PREX2: variants seen among roughly 807,000 people sequenced by gnomAD.
PREX2 encodes the protein phosphatidylinositol 3,4,5-trisphosphate-dependent Rac exchanger 2 protein.
PREX2 carries 107 observed loss-of-function variants against 203.2 expected under a neutral mutation model. The observed-to-expected ratio is 0.53, with a 90% CI of 0.45 to 0.62. The LOEUF (loss-of-function observed/expected upper bound fraction) is 0.62. Ranked by LOEUF, PREX2 falls within the 20% of genes least tolerant of loss-of-function variation. The pLI, the probability that PREX2 is intolerant of heterozygous loss-of-function variation, is 0.00. For missense variants in PREX2, 1,777 were observed against 1,955.9 expected (o/e 0.91, Z 1.72); for synonymous variants, 672 against 663.6 (o/e 1.01, Z -0.19).
intron 25 of PREX2, among the ~76,000 whole-genome samples, chr8:68,113,966 A>C (rs1407952642): frequency 3.3e-5 from 5 of 152,164 alleles, no homozygotes; most frequent in Admixed American, 1.3e-4. Flanking sequence ...GGTTCAAGCG[A>C]TTCTCCTGCC....
At chr8:68,066,430 C>T (rs1025876030) in intron 11 of PREX2, among the ~76,000 whole-genome samples, 1 of 152,046 alleles carries the variant, frequency 6.6e-6, no homozygotes, top group Non-Finnish European at 1.5e-5. Context: ...GAGATTATAT[C>T]TGATTATAGT....
chr8:68,226,308 G>A (rs1280841341), intron 39 of PREX2, among the ~76,000 whole-genome samples: 1 of 152,094 alleles, frequency 6.6e-6, no homozygotes, highest in Non-Finnish European at 1.5e-5. Context: ...AAAAAGATGA[G>A]GTGAAGAAGG....
At chr8:68,088,376 T>C (rs766846837) in intron 19 of PREX2, among the ~76,000 whole-genome samples, 9 of 152,318 alleles carry the variant, frequency 5.9e-5, no homozygotes, top group Middle Eastern at 3.4e-3. Flanking sequence ...TAGCAACAAT[T>C]GAAGGAAATA....
chr8:68,049,825 AG>A (rs1370329864), intron 8 of PREX2, among the ~76,000 whole-genome samples: 6 of 152,058 alleles, frequency 3.9e-5, no homozygotes, highest in African/African-American at 1.4e-4. Flanking sequence ...GGCTTTAGTG[AG>A]GGTGTTCTTT....
intron 10 of PREX2, 38 bp downstream of exon 10, chr8:68,056,012 A>G (rs1187908703): frequency 4.5e-6 from 7 of 1,567,992 alleles, no homozygotes; most frequent in East Asian, 2.2e-5. Flanking sequence ...TTTCTTTTAC[A>G]TTCTCATTGT....
chr8:68,234,718 C>T lies in PREX2; in HGVS notation c.*3340C>T, dbSNP rs907846270. 1 of 152,038 alleles carries T rather than the reference C, an allele frequency of 6.6e-6. No individual in the cohort carries two copies. Among genetic ancestry groups the T allele is most frequent in the Non-Finnish European group, 1.5e-5 (1 of 68,022 alleles). The allele number at this position is 152,038 out of a possible 1,614,324, so 9.4% of individuals were successfully genotyped here. On this transcript the variant is annotated 3_prime_UTR_variant, in exon 40 of 40. Coordinates refer to ENST00000288368, the MANE Select transcript of PREX2 (RefSeq NM_024870.4). The stretch of plus-strand genomic sequence containing the variant: ...TCTGAAGTCTCATACTGTTTTCTGT[C>T]TCTTTAAAACACATTCTTCTGGTGG...
intron 11 of PREX2, 51 bp downstream of exon 11, chr8:68,060,830 T>C (rs372641907): frequency 5.2e-5 from 61 of 1,172,670 alleles, no homozygotes; most frequent in Non-Finnish European, 7.2e-5. Flanking sequence ...TGGCCATATG[T>C]ATCTTAATCC....
chr8:68,087,103 G>T (rs1229350741), intron 18 of PREX2, among the ~76,000 whole-genome samples: 9 of 152,040 alleles, frequency 5.9e-5, no homozygotes, highest in Admixed American at 1.3e-4. Flanking sequence ...ACTTACCAAG[G>T]TTATTTCTTT....
rs767428663 is a variant in PREX2, at chr8:68,044,447, GT to G, written c.840-37del. 9 of 1,382,460 alleles carry G rather than the reference GT, an allele frequency of 6.5e-6. No homozygotes were observed. The African/African-American group carries it at 8.5e-5, about 13-fold the overall frequency. The allele number at this position is 1,382,460 out of a possible 1,614,324, so 85.6% of individuals were successfully genotyped here. ...TATTGTTTTGACATTGTTTTACATT[GT>G]TTAGTAACAAAGTCTTTGTGATTTA... On this transcript the variant is annotated intron_variant, in intron 7 of 39. Transcript: ENST00000288368.
intron 23 of PREX2, chr8:68,106,464 TTAA>T (rs1377576197): frequency 4.9e-6 from 2 of 411,188 alleles, no homozygotes; most frequent in African/African-American, 4.2e-5. Context: ...CATCATTTTG[TTAA>T]TAATTTCCTG....
intron 26 of PREX2, 145 bp from the exon 27 acceptor site, chr8:68,118,405 G>A: frequency 1.8e-6 from 1 of 559,252 alleles, no homozygotes; most frequent in South Asian, 2.2e-5. Context: ...AAGTAAGATA[G>A]ACTGAGTTGA....
intron 6 of PREX2, 84 bp downstream of exon 6, chr8:68,030,742 C>T: frequency 7.8e-7 from 1 of 1,278,030 alleles, no homozygotes; most frequent in Non-Finnish European, 1.1e-6. Context: ...TGGATGGAAC[C>T]ATAAATGGTC....
chr8:68,075,101 T>A (rs1728551799), intron 14 of PREX2, among the ~76,000 whole-genome samples: 1 of 152,208 alleles, frequency 6.6e-6, no homozygotes, highest in Admixed American at 6.5e-5. Flanking sequence ...CATAATTAAA[T>A]AATGCCTTGC....
chr8:67,959,885 C>T (rs1805587510), intron 1 of PREX2, among the ~76,000 whole-genome samples: 1 of 152,118 alleles, frequency 6.6e-6, no homozygotes, highest in Non-Finnish European at 1.5e-5. Flanking sequence ...CAAACTCTCT[C>T]TTTGGGCAAA....
At chr8:67,996,792 T>C (rs1219164194) in intron 1 of PREX2, among the ~76,000 whole-genome samples, 2 of 152,210 alleles carry the variant, frequency 1.3e-5, no homozygotes, top group Admixed American at 6.5e-5. Context: ...TGTCTATTGA[T>C]AAAACTAGGA....
chr8:68,071,333 A>G (rs1192879527), intron 13 of PREX2, among the ~76,000 whole-genome samples: 1 of 152,160 alleles, frequency 6.6e-6, no homozygotes, highest in East Asian at 1.9e-4. Context: ...AAGAAAAGTT[A>G]CTTAGCATGA....
At chr8:68,011,432 T>TA (rs11387261) in intron 1 of PREX2, among the ~76,000 whole-genome samples, 66,841 of 150,814 alleles carry the variant, frequency 0.44, 18,407 homozygotes, top group African/African-American at 0.79. Context: ...GCTTTGTATT[T>TA]AAAAAAAAAC....
intron 1 of PREX2, among the ~76,000 whole-genome samples, chr8:67,984,345 A>G (rs1806354571): frequency 6.6e-6 from 1 of 152,268 alleles, no homozygotes; most frequent in Non-Finnish European, 1.5e-5. Context: ...TGCCTGGCAC[A>G]TAGTATTCAA....
At position 68,025,247 on chromosome 8, in the gene PREX2, G is replaced by A. The variant is rs114246201; in HGVS notation, c.442-1975G>A. Among the ~76,000 whole-genome samples the A allele has an allele frequency of 4.4e-3, 660 of 150,768 alleles. 5 individuals carry two copies. The highest frequency in any genetic ancestry group is 0.015 in the African/African-American group (628 of 41,072). On this transcript the variant is annotated intron_variant, in intron 4 of 39. Coordinates refer to ENST00000288368, the MANE Select transcript of PREX2 (RefSeq NM_024870.4). ...ATGTCTTTATTTTGCCTTCATTTTT[G>A]AAGGATAGTTTTACTTGGACATAGA...
Sources: gnomAD v4.1 joint callset for allele counts (sites outside exome capture counted in the v4.1 genomes callset) on GRCh38, gnomAD v4.1.1 for gene constraint, MANE v1.5 for transcripts, NCBI Gene and HGNC (gene_info 2026-07-23, HGNC 2026-07-21) for gene names.